Variants in TNRC6B observed in about 807,000 individuals in gnomAD.
TNRC6B encodes trinucleotide repeat containing adaptor 6B.
In TNRC6B, 52 loss-of-function variants were observed where a neutral mutation model predicts 203.6. The observed-to-expected ratio is 0.26, with a 90% CI of 0.20 to 0.32. The LOEUF is 0.32. TNRC6B is among the 10% of genes least tolerant of loss of function. The probability of loss-of-function intolerance (pLI) is 1.00; values close to 1 mark genes in which losing one functional copy is unlikely to be tolerated. For missense variants in TNRC6B, 1,923 were observed against 2,286.2 expected, an observed-to-expected ratio of 0.84 and a Z score of 3.24; for synonymous variants, 838 against 845.7, an observed-to-expected ratio of 0.99 and a Z score of 0.16.
chr22:40,196,714 A>ATG (rs748103802), intron 1 of TNRC6B, among the ~76,000 whole-genome samples: 11 of 151,858 alleles, frequency 7.2e-5, no homozygotes, highest in Non-Finnish European at 1.5e-4. Context: ...GATAGGGCAG[A>ATG]TGTGGTTCAG....
At chr22:40,282,550 G>A (rs1371990907) in intron 11 of TNRC6B, among the ~76,000 whole-genome samples, 1 of 152,146 alleles carries the variant, frequency 6.6e-6, no homozygotes, top group Admixed American at 6.5e-5. Flanking sequence ...CACAGTTAAT[G>A]GTGATTGTAA....
chr22:40,292,638 G>A (rs918047398), intron 12 of TNRC6B, among the ~76,000 whole-genome samples: 4 of 152,238 alleles, frequency 2.6e-5, no homozygotes, highest in Admixed American at 6.5e-5. Flanking sequence ...AATGGAGAAT[G>A]TGCAGACCTG....
chr22:40,315,633 G>T, intron 20 of TNRC6B, 126 bp downstream of exon 20: 1 of 1,125,070 alleles, frequency 8.9e-7, no homozygotes. Context: ...TTTTCTTCTG[G>T]TAGAGGAAAA....
intron 3 of TNRC6B, among the ~76,000 whole-genome samples, chr22:40,127,133 C>T (rs143508361): frequency 3.3e-3 from 500 of 151,922 alleles, no homozygotes; most frequent in African/African-American, 0.012. Context: ...TGCTTCTTAA[C>T]ATAGTTACAT....
At chr22:40,278,697 G>C (rs2146519778) in intron 9 of TNRC6B, among the ~76,000 whole-genome samples, 1 of 152,206 alleles carries the variant, frequency 6.6e-6, no homozygotes, top group South Asian at 2.1e-4. Context: ...TCTTTCAGCA[G>C]AGGCCAGAAA....
chr22:40,194,139 C>G (rs1387343446), intron 1 of TNRC6B, among the ~76,000 whole-genome samples: 1 of 152,090 alleles, frequency 6.6e-6, no homozygotes, highest in Non-Finnish European at 1.5e-5. Context: ...AATAAAAGAA[C>G]CAGGGGCAGG....
chr22:40,158,326 C>T (rs1451235604), intron 4 of TNRC6B, among the ~76,000 whole-genome samples: 6 of 147,876 alleles, frequency 4.1e-5, no homozygotes, highest in South Asian at 2.1e-4. Flanking sequence ...GCAACAAGAG[C>T]GAAACTCCAT....
At chr22:40,322,794 C>T (rs2071352493) in intron 22 of TNRC6B, 60 bp from the exon 23 acceptor site, 6 of 1,599,532 alleles carry the variant, frequency 3.8e-6, no homozygotes, top group Non-Finnish European at 5.1e-6. Context: ...GCAGTCGCTC[C>T]CTCCGTATGC....
At chr22:40,243,983 A>G (rs1183432546) in intron 1 of TNRC6B, among the ~76,000 whole-genome samples, 3 of 152,032 alleles carry the variant, frequency 2.0e-5, no homozygotes, top group South Asian at 4.1e-4. Flanking sequence ...TAAACACCAA[A>G]TCTTTAAACA....
At chr22:40,114,645 C>A (rs2068371091) in intron 1 of TNRC6B, among the ~76,000 whole-genome samples, 1 of 152,090 alleles carries the variant, frequency 6.6e-6, no homozygotes, top group African/African-American at 2.4e-5. Context: ...ATTCTTGCAG[C>A]CGGCTTGCAG....
chr22:40,089,913 C>T (rs1188420308), intron 1 of TNRC6B, among the ~76,000 whole-genome samples: 1 of 152,132 alleles, frequency 6.6e-6, no homozygotes, highest in Non-Finnish European at 1.5e-5. Context: ...TTTTTCTTTT[C>T]CAGATGTTAT....
chr22:40,184,661 C>T (rs1201220659), intron 1 of TNRC6B, among the ~76,000 whole-genome samples: 1 of 152,148 alleles, frequency 6.6e-6, no homozygotes, highest in African/African-American at 2.4e-5. Flanking sequence ...AATCTCAGGT[C>T]ATAGTGGCCT....
chr22:40,086,349 A>T (rs2068099745), intron 1 of TNRC6B, among the ~76,000 whole-genome samples: 1 of 152,214 alleles, frequency 6.6e-6, no homozygotes, highest in African/African-American at 2.4e-5. Context: ...TTATGAACTG[A>T]TGGATTTCAT....
chr22:40,299,293 G>C (rs2070991054), intron 12 of TNRC6B, among the ~76,000 whole-genome samples: 1 of 148,770 alleles, frequency 6.7e-6, no homozygotes, highest in Non-Finnish European at 1.5e-5. Flanking sequence ...ATGCTGGAGT[G>C]CAATGGCACC....
intron 1 of TNRC6B, among the ~76,000 whole-genome samples, chr22:40,084,848 G>A (rs1308508494): frequency 1.3e-5 from 2 of 152,192 alleles, no homozygotes; most frequent in Non-Finnish European, 2.9e-5. Flanking sequence ...TTTGGTGCAT[G>A]TATGTTAATT....
chr22:40,262,408 T>C (rs1044755955), intron 4 of TNRC6B, among the ~76,000 whole-genome samples: 1 of 152,168 alleles, frequency 6.6e-6, no homozygotes, highest in Non-Finnish European at 1.5e-5. Flanking sequence ...TGTTGCTTAT[T>C]ATTTTGGGGG....
chr22:40,137,899 G>A (rs767240234), intron 3 of TNRC6B, among the ~76,000 whole-genome samples: 70 of 151,312 alleles, frequency 4.6e-4, no homozygotes, highest in Non-Finnish European at 8.5e-4. Context: ...CAGGAAAATC[G>A]CTTGAATTGG....
intron 1 of TNRC6B, among the ~76,000 whole-genome samples, chr22:40,236,766 C>G (rs1395845799): frequency 6.6e-6 from 1 of 152,100 alleles, no homozygotes. Context: ...TTAATATGTT[C>G]AAGTGTGAAA....
At chr22:40,211,718 G>A (rs2069566430) in intron 1 of TNRC6B, among the ~76,000 whole-genome samples, 1 of 152,198 alleles carries the variant, frequency 6.6e-6, no homozygotes, top group Admixed American at 6.5e-5. Context: ...GACAGCAGAA[G>A]GGTGTCTCCA....
Sources: gnomAD v4.1 joint callset for allele counts (sites outside exome capture counted in the v4.1 genomes callset) on GRCh38, gnomAD v4.1.1 for gene constraint, MANE v1.5 for transcripts, NCBI Gene and HGNC (gene_info 2026-07-23, HGNC 2026-07-21) for gene names.